UBASH3B: variants seen among roughly 807,000 people sequenced by gnomAD.
UBASH3B encodes the protein ubiquitin-associated and SH3 domain-containing protein B.
Under a neutral mutation model 83.4 loss-of-function variants are expected in UBASH3B, and 37 were observed. The ratio of observed to expected loss-of-function variants is 0.44; its 90% CI spans 0.34 to 0.58. The LOEUF is 0.58. UBASH3B is among the 20% of genes least tolerant of loss of function. The pLI, the probability that UBASH3B is intolerant of heterozygous loss-of-function variation, is 0.01. For synonymous variants in UBASH3B, 304 were observed against 318.3 expected, an observed-to-expected ratio of 0.96 and a Z score of 0.48; for missense variants, 657 against 827.2, an observed-to-expected ratio of 0.79 and a Z score of 2.52.
chr11:122,750,249 G>A (rs10892892), intron 1 of UBASH3B, among the ~76,000 whole-genome samples: 112,078 of 152,096 alleles, frequency 0.74, 43,439 homozygotes, highest in Non-Finnish European at 0.86. Flanking sequence ...TGTTGAGATA[G>A]GGCTCAGTTG....
At chr11:122,726,504 C>T (rs535313585) in intron 1 of UBASH3B, among the ~76,000 whole-genome samples, 1 of 152,018 alleles carries the variant, frequency 6.6e-6, no homozygotes, top group Non-Finnish European at 1.5e-5. Flanking sequence ...TGTCTGCTAC[C>T]ATGCCCGGCT....
chr11:122,787,852 T>C (rs4936744), intron 5 of UBASH3B, among the ~76,000 whole-genome samples: 120,833 of 152,182 alleles, frequency 0.79, 48,271 homozygotes, highest in Middle Eastern at 0.83. Context: ...TATTTAGCCT[T>C]CAACTAACGG....
intron 1 of UBASH3B, among the ~76,000 whole-genome samples, chr11:122,699,531 C>CTTTCTCTTTCTTTCTTTCTT (rs200613782): frequency 6.5e-5 from 7 of 107,866 alleles, no homozygotes; most frequent in African/African-American, 2.5e-4. Flanking sequence ...TTCTTTCTTT[C>CTTTCTCTTTCTTTCTTTCTT]TCTTTCTTTC....
In UBASH3B at chr11:122,730,408, A is replaced by C. The variant is rs1450800035; in HGVS notation, c.162-45811A>C. On this transcript the variant is annotated intron_variant, in intron 1 of 13. Coordinates refer to ENST00000284273, the MANE Select transcript of UBASH3B (RefSeq NM_032873.5). ...GGGCACAGTGGCCAACGTGAACTCCATGCCATCCTTGGTATTTTCCATTCA... is the reference window on the plus strand; with the variant it reads ...GGGCACAGTGGCCAACGTGAACTCCCTGCCATCCTTGGTATTTTCCATTCA... Among the ~76,000 whole-genome samples, 3 of 152,104 alleles carry C rather than the reference A, an allele frequency of 2.0e-5. No individual in the cohort carries two copies. In the East Asian group the frequency reaches 5.8e-4, roughly 29 times the overall value.
At position 122,801,352 on chromosome 11, in the gene UBASH3B, G is replaced by A. The variant is rs1565572083; in HGVS notation, c.1595+20G>A. ...CTACAGGTAAGCCTCGGAAACTGCT[G>A]CTTACTGAGGCCAGTGTGGAAGTGC... On this transcript the variant is annotated intron_variant, in intron 11 of 13. Coordinates refer to ENST00000284273, the MANE Select transcript of UBASH3B (RefSeq NM_032873.5). 3.1e-6 allele frequency: 5 copies of A among 1,611,972 alleles called. No individual in the cohort carries two copies. The highest frequency in any genetic ancestry group is 3.4e-6 in the Non-Finnish European group (4 of 1,179,736).
intron 1 of UBASH3B, among the ~76,000 whole-genome samples, chr11:122,667,468 C>T (rs1863534979): frequency 6.6e-6 from 1 of 152,122 alleles, no homozygotes; most frequent in Non-Finnish European, 1.5e-5. Context: ...GCTATAATCT[C>T]CACCCTCAGG....
At chr11:122,701,703 C>A (rs1053387446) in intron 1 of UBASH3B, among the ~76,000 whole-genome samples, 2 of 152,134 alleles carry the variant, frequency 1.3e-5, no homozygotes, top group African/African-American at 4.8e-5. Flanking sequence ...AGGATTAATT[C>A]TTTCCTTTTG....
chr11:122,774,137 A>G, intron 1 of UBASH3B: 1 of 985,100 alleles, frequency 1.0e-6, no homozygotes, highest in Non-Finnish European at 1.2e-6. Flanking sequence ...ACCCAGCAGC[A>G]GTTGAGCACC....
intron 1 of UBASH3B, among the ~76,000 whole-genome samples, chr11:122,742,318 G>C (rs1468386049): frequency 6.6e-6 from 1 of 152,200 alleles, no homozygotes; most frequent in Non-Finnish European, 1.5e-5. Context: ...CCTAAGTACA[G>C]GAGTCTCTCG....
At chr11:122,749,948 G>A (rs1406643616) in intron 1 of UBASH3B, among the ~76,000 whole-genome samples, 2 of 152,156 alleles carry the variant, frequency 1.3e-5, no homozygotes, top group Non-Finnish European at 2.9e-5. Flanking sequence ...GGCCAGGCTG[G>A]TCTCAAACTC....
intron 11 of UBASH3B, among the ~76,000 whole-genome samples, chr11:122,802,055 G>A (rs769848111): frequency 1.3e-5 from 2 of 152,108 alleles, no homozygotes; most frequent in Non-Finnish European, 2.9e-5. Context: ...GGTGGCTCAC[G>A]CCTATAATCC....
intron 1 of UBASH3B, among the ~76,000 whole-genome samples, chr11:122,746,869 G>A (rs1047852385): frequency 3.9e-5 from 6 of 152,306 alleles, no homozygotes; most frequent in South Asian, 4.1e-4. Context: ...GGGAGGGGCC[G>A]TGAGGGGGGA....
In UBASH3B at chr11:122,790,310, T is replaced by C. The variant is rs146113818; in HGVS notation, c.980+1002T>C. Among the ~76,000 whole-genome samples the C allele has an allele frequency of 1.3e-4, 20 of 152,194 alleles. No homozygotes were observed. The East Asian group carries it at 2.3e-3, about 18-fold the overall frequency. On this transcript the variant is annotated intron_variant, in intron 6 of 13. Coordinates refer to ENST00000284273, the MANE Select transcript of UBASH3B (RefSeq NM_032873.5). ...CCAAAGATGGGAAAGAATATTTTCT[T>C]CCTCAATAACCCCACCCAGCAATCC... is the stretch of plus-strand genomic sequence containing the variant.
intron 1 of UBASH3B, among the ~76,000 whole-genome samples, chr11:122,657,391 C>A (rs1262293651): frequency 6.6e-6 from 1 of 152,044 alleles, no homozygotes; most frequent in South Asian, 2.1e-4. Context: ...CAGGTTCAAG[C>A]GATTCTCCCA....
At chr11:122,713,818 G>T (rs1864231543) in intron 1 of UBASH3B, among the ~76,000 whole-genome samples, 1 of 151,996 alleles carries the variant, frequency 6.6e-6, no homozygotes, top group Non-Finnish European at 1.5e-5. Flanking sequence ...GGGGAACATG[G>T]GAATCTGTAT....
chr11:122,733,720 T>A (rs1000765146), intron 1 of UBASH3B, among the ~76,000 whole-genome samples: 3 of 152,212 alleles, frequency 2.0e-5, no homozygotes, highest in Non-Finnish European at 4.4e-5. Flanking sequence ...TAAGAGTATA[T>A]GATAATAGAG....
At chr11:122,674,375 C>A (rs1565524552) in intron 1 of UBASH3B, among the ~76,000 whole-genome samples, 2 of 144,972 alleles carry the variant, frequency 1.4e-5, no homozygotes, top group Non-Finnish European at 3.0e-5. Context: ...CAAACATTGT[C>A]TGTCTTTTTT....
intron 1 of UBASH3B, among the ~76,000 whole-genome samples, chr11:122,722,710 C>T (rs1591786498): frequency 1.4e-5 from 2 of 146,412 alleles, no homozygotes; most frequent in Non-Finnish European, 3.0e-5. Context: ...TCTGGTATTT[C>T]TTTTTTTTTT....
intron 1 of UBASH3B, among the ~76,000 whole-genome samples, chr11:122,679,417 T>C (rs1464709515): frequency 2.6e-5 from 4 of 152,206 alleles, no homozygotes; most frequent in African/African-American, 4.8e-5. Context: ...TGAGAGAGCA[T>C]AGCCTCGCCA....
Sources: gnomAD v4.1 joint callset for allele counts (sites outside exome capture counted in the v4.1 genomes callset) on GRCh38, gnomAD v4.1.1 for gene constraint, MANE v1.5 for transcripts, NCBI Gene and HGNC (gene_info 2026-07-23, HGNC 2026-07-21) for gene names.